Variants in ANKS1B observed in about 807,000 individuals in gnomAD.
ANKS1B encodes the protein ankyrin repeat and sterile alpha motif domain containing 1B.
Under a neutral mutation model 148.3 loss-of-function variants are expected in ANKS1B, and 36 were observed. The observed-to-expected ratio is 0.24, with a 90% CI of 0.19 to 0.32. The LOEUF (loss-of-function observed/expected upper bound fraction) is 0.32, where lower values mean the gene tolerates loss of function less well. Ranked by LOEUF, ANKS1B falls within the 10% of genes least tolerant of loss-of-function variation. ANKS1B has a pLI of 1.00. For synonymous variants in ANKS1B, 542 were observed against 560.8 expected, an observed-to-expected ratio of 0.97 and a Z score of 0.47; for missense variants, 1,157 against 1,542.6, an observed-to-expected ratio of 0.75 and a Z score of 4.19.
chr12:99,327,451 ATAT>A (rs964946859), intron 12 of ANKS1B, among the ~76,000 whole-genome samples: 5 of 135,876 alleles, frequency 3.7e-5, no homozygotes, highest in African/African-American at 1.4e-4. Context: ...ATTATATATT[ATAT>A]TATAATTATA....
chr12:99,283,780 GAAAAT>G (rs1329885339), intron 12 of ANKS1B, among the ~76,000 whole-genome samples: 1 of 152,100 alleles, frequency 6.6e-6, no homozygotes, highest in Non-Finnish European at 1.5e-5. Flanking sequence ...TTTTAGTTCT[GAAAAT>G]AAAATAAGCT....
intron 17 of ANKS1B, among the ~76,000 whole-genome samples, chr12:98,844,137 T>C (rs2099429299): frequency 6.6e-6 from 1 of 152,160 alleles, no homozygotes; most frequent in Non-Finnish European, 1.5e-5. Context: ...CAGGATGACC[T>C]GAGTGTGAGT....
chr12:99,750,386 A>G (rs1567775415), intron 8 of ANKS1B, among the ~76,000 whole-genome samples: 1 of 152,132 alleles, frequency 6.6e-6, no homozygotes, highest in Non-Finnish European at 1.5e-5. Flanking sequence ...ACCTAGGAAG[A>G]TTTTAATTAA....
At chr12:98,973,207 G>A (rs61932225) in intron 17 of ANKS1B, among the ~76,000 whole-genome samples, 27,151 of 133,694 alleles carry the variant, frequency 0.2, 2,632 homozygotes, top group African/African-American at 0.29. Context: ...TAGACTAAAC[G>A]AAATGCAAAA....
chr12:99,183,640 T>C (rs1466383486), intron 14 of ANKS1B, among the ~76,000 whole-genome samples: 1 of 152,078 alleles, frequency 6.6e-6, no homozygotes, highest in Non-Finnish European at 1.5e-5. Flanking sequence ...CAAAACTCCA[T>C]CTCCAAAAAC....
At chr12:98,788,092 C>T (rs2098813302) in intron 22 of ANKS1B, among the ~76,000 whole-genome samples, 2 of 151,922 alleles carry the variant, frequency 1.3e-5, no homozygotes, top group South Asian at 4.2e-4. Context: ...CCAAGACATT[C>T]CTATGGGGTG....
intron 12 of ANKS1B, among the ~76,000 whole-genome samples, chr12:99,377,209 T>C (rs1726317237): frequency 6.6e-6 from 1 of 152,150 alleles, no homozygotes. Flanking sequence ...GGTTTCACCA[T>C]GTTGGCCAGG....
chr12:99,850,300 T>TCA (rs1565858584), intron 1 of ANKS1B, among the ~76,000 whole-genome samples: 3 of 151,392 alleles, frequency 2.0e-5, no homozygotes, highest in Non-Finnish European at 4.4e-5. Context: ...TCTCTCTCTC[T>TCA]CTCTCTCTCT....
intron 15 of ANKS1B, among the ~76,000 whole-genome samples, chr12:99,126,079 T>C (rs912026615): frequency 2.0e-5 from 3 of 152,270 alleles, no homozygotes; most frequent in South Asian, 2.1e-4. Flanking sequence ...TTCCATAGAA[T>C]GGTTTGAGAA....
chr12:99,272,057 G>A (rs74554092), intron 12 of ANKS1B, among the ~76,000 whole-genome samples: 16,493 of 151,934 alleles, frequency 0.11, 2,238 homozygotes, highest in African/African-American at 0.32. Flanking sequence ...TGATAACACC[G>A]CAAAAGGGGC....
intron 10 of ANKS1B, among the ~76,000 whole-genome samples, chr12:99,488,404 T>C (rs1003458978): frequency 9.2e-5 from 14 of 152,314 alleles, no homozygotes; most frequent in African/African-American, 3.4e-4. Flanking sequence ...AAATTGTTGC[T>C]TTATTCTTTT....
chr12:98,791,976 T>C lies in ANKS1B; in HGVS notation c.3342+6958A>G, dbSNP rs138363015. On this transcript the variant is annotated intron_variant, in intron 22 of 26. Coordinates refer to ENST00000683438, the MANE Select transcript of ANKS1B (RefSeq NM_001352186.2). ...CCAACCCATTCCCTCTATTGTTTCC[T>C]AAAACACATAAAAAAGAGAAAAGTC... 9.8e-5 allele frequency among the ~76,000 whole-genome samples: 15 copies of C among 152,296 alleles called. No homozygotes were observed. The East Asian group carries it at 2.7e-3, about 27-fold the overall frequency.
intron 11 of ANKS1B, among the ~76,000 whole-genome samples, chr12:99,406,016 T>C (rs908544588): frequency 1.4e-5 from 2 of 145,384 alleles, no homozygotes; most frequent in East Asian, 1.9e-4. Flanking sequence ...CACCCAGATA[T>C]ATAAAGCAAA....
intron 11 of ANKS1B, among the ~76,000 whole-genome samples, chr12:99,439,129 C>T (rs1481135539): frequency 1.3e-5 from 2 of 151,406 alleles, no homozygotes; most frequent in African/African-American, 4.8e-5. Flanking sequence ...TTCCTTGTAG[C>T]AAAAATTAAA....
intron 17 of ANKS1B, among the ~76,000 whole-genome samples, chr12:98,915,061 T>C (rs1283259326): frequency 6.6e-6 from 1 of 152,154 alleles, no homozygotes; most frequent in African/African-American, 2.4e-5. Context: ...GGTTGAATTA[T>C]GTTCCCCCCA....
At chr12:99,654,038 A>G (rs536474556) in intron 9 of ANKS1B, among the ~76,000 whole-genome samples, 1 of 152,300 alleles carries the variant, frequency 6.6e-6, no homozygotes, top group African/African-American at 2.4e-5. Flanking sequence ...CTCTACCTTT[A>G]TGGAGCTCAC....
At chr12:99,216,544 A>G (rs2084227928) in intron 14 of ANKS1B, among the ~76,000 whole-genome samples, 1 of 152,160 alleles carries the variant, frequency 6.6e-6, no homozygotes, top group African/African-American at 2.4e-5. Context: ...TTGAAGCTTC[A>G]GTATATAAAG....
chr12:99,606,149 A>G (rs952621199), intron 9 of ANKS1B, among the ~76,000 whole-genome samples: 1 of 151,948 alleles, frequency 6.6e-6, no homozygotes, highest in African/African-American at 2.4e-5. Flanking sequence ...AGAAATGTCT[A>G]TTCAGATCTT....
rs1182264550 is a variant in ANKS1B, at chr12:98,769,165, C to CTTTT, written c.3579+3873_3579+3876dup. Among the ~76,000 whole-genome samples, 21 of 41,224 alleles carry CTTTT rather than the reference C, an allele frequency of 5.1e-4. 4 individuals are homozygous for CTTTT. Among genetic ancestry groups the CTTTT allele is most frequent in the African/African-American group, 1.5e-3 (18 of 12,270 alleles). 27.0% of individuals were successfully genotyped at this position (41,224 alleles called of 152,430 possible). On this transcript the variant is annotated intron_variant, in intron 25 of 26. Transcript: ENST00000683438. ...TTGAGGTATTATAGGGTCTTCTTTA[C>CTTTT]TTTTTTTTTTTTTTTTTTTTTTTTT...
Sources: gnomAD v4.1 joint callset for allele counts (sites outside exome capture counted in the v4.1 genomes callset) on GRCh38, gnomAD v4.1.1 for gene constraint, MANE v1.5 for transcripts, NCBI Gene and HGNC (gene_info 2026-07-23, HGNC 2026-07-21) for gene names.